Variants in ASCC3 observed in about 807,000 individuals in gnomAD.
ASCC3 encodes activating signal cointegrator 1 complex subunit 3, also known as ASC-1 complex subunit P200.
ASCC3 carries 158 observed loss-of-function variants against 256.3 expected under a neutral mutation model. That is an observed-to-expected ratio of 0.62 (90% CI 0.54 to 0.70). The LOEUF is 0.70. Among genes scored for constraint, ASCC3 ranks in the 30% least tolerant of loss-of-function variants. The pLI, the probability that ASCC3 is intolerant of heterozygous loss-of-function variation, is 0.00. For synonymous variants in ASCC3, 948 were observed against 883.4 expected (o/e 1.07, Z -1.30); for missense variants, 2,259 against 2,626.0 (o/e 0.86, Z 3.05).
At chr6:100,541,600 A>C (rs1037040365) in intron 36 of ASCC3, among the ~76,000 whole-genome samples, 2 of 152,192 alleles carry the variant, frequency 1.3e-5, no homozygotes, top group Non-Finnish European at 2.9e-5. Flanking sequence ...AAAAGGATCA[A>C]ACAGCTTCCA....
At chr6:100,779,113 A>G (rs1782330403) in intron 8 of ASCC3, among the ~76,000 whole-genome samples, 1 of 152,208 alleles carries the variant, frequency 6.6e-6, no homozygotes, top group East Asian at 1.9e-4. Flanking sequence ...TTACCAAGTG[A>G]TTTCTCAAAT....
At chr6:100,547,910 C>T (rs905726109) in intron 36 of ASCC3, among the ~76,000 whole-genome samples, 1 of 151,596 alleles carries the variant, frequency 6.6e-6, no homozygotes, top group Non-Finnish European at 1.5e-5. Context: ...TGTCCATCAA[C>T]AGGTGAGAAG....
At chr6:100,804,105 C>T (rs894024736) in intron 5 of ASCC3, among the ~76,000 whole-genome samples, 24 of 152,230 alleles carry the variant, frequency 1.6e-4, no homozygotes, top group African/African-American at 5.3e-4. Context: ...ATGTGTAATA[C>T]ATGACACTAT....
At chr6:100,583,318 G>A (rs1250531207) in intron 36 of ASCC3, among the ~76,000 whole-genome samples, 3 of 151,956 alleles carry the variant, frequency 2.0e-5, no homozygotes, top group Non-Finnish European at 2.9e-5. Context: ...GTCTTGGGAG[G>A]GTGTATGTGT....
intron 1 of ASCC3, among the ~76,000 whole-genome samples, chr6:100,870,363 CAAA>C (rs11358403): frequency 2.1e-5 from 3 of 141,080 alleles, no homozygotes; most frequent in African/African-American, 2.6e-5. Flanking sequence ...GAGTCCGTCT[CAAA>C]AAAAAAAAAA....
At chr6:100,584,365 C>T (rs1042233845) in intron 36 of ASCC3, among the ~76,000 whole-genome samples, 34 of 151,564 alleles carry the variant, frequency 2.2e-4, no homozygotes, top group Non-Finnish European at 1.5e-5. Context: ...GTCTTTTGAT[C>T]TTTGTTGGTT....
chr6:100,647,292 G>T lies in ASCC3; in HGVS notation c.3412C>A (p.Leu1138Ile). 2 of 1,613,840 alleles carry T rather than the reference G, an allele frequency of 1.2e-6. No homozygotes were observed. Among genetic ancestry groups the T allele is most frequent in the African/African-American group, 1.3e-5 (1 of 74,946 alleles). ...RQFSILPPHI[L>I]TRLEEKKLTV... ...AGCTTTTTTTCTTCTAATCTTGTTA[G>T]GATGTGTGGTGGTAGGATTGAAAAT... Residue 1138 changes from leucine (L) to isoleucine (I), a missense_variant, in exon 21 of 42, where the codon CTA (leucine) becomes ATA (isoleucine). By Grantham distance (5) the Leu-to-Ile change is conservative. Transcript: ENST00000369162.
intron 14 of ASCC3, among the ~76,000 whole-genome samples, chr6:100,665,633 G>C (rs1223716623): frequency 6.6e-6 from 1 of 151,698 alleles, no homozygotes; most frequent in Non-Finnish European, 1.5e-5. Flanking sequence ...CCAGTTACTC[G>C]GGAGGCTGAG....
intron 4 of ASCC3, among the ~76,000 whole-genome samples, chr6:100,808,126 A>G (rs1479792626): frequency 6.6e-6 from 1 of 151,928 alleles, no homozygotes; most frequent in African/African-American, 2.4e-5. Context: ...CCATTTCCCA[A>G]TACTTAAGAC....
chr6:100,840,336 T>C (rs1488351780), intron 4 of ASCC3, among the ~76,000 whole-genome samples: 1 of 152,088 alleles, frequency 6.6e-6, no homozygotes, highest in Non-Finnish European at 1.5e-5. Context: ...AGAGTCTTTT[T>C]GTTTTTGTTT....
At chr6:100,611,700 G>A (rs1773405841) in intron 30 of ASCC3, among the ~76,000 whole-genome samples, 1 of 151,906 alleles carries the variant, frequency 6.6e-6, no homozygotes, top group South Asian at 2.1e-4. Flanking sequence ...CTGGTTCCAT[G>A]AGAGAATTAA....
chr6:100,658,088 CCA>C (rs1320153939), intron 16 of ASCC3, among the ~76,000 whole-genome samples: 1 of 151,366 alleles, frequency 6.6e-6, no homozygotes, highest in African/African-American at 2.4e-5. Flanking sequence ...TCAAGAAGTT[CCA>C]GAGTCACATG....
chr6:100,722,090 G>C (rs1779368458), intron 11 of ASCC3, among the ~76,000 whole-genome samples: 1 of 151,688 alleles, frequency 6.6e-6, no homozygotes, highest in Non-Finnish European at 1.5e-5. Context: ...TGAAGAGGGA[G>C]TCCTTTCCCC....
chr6:100,750,599 G>T (rs1780893409), intron 10 of ASCC3, among the ~76,000 whole-genome samples: 1 of 151,102 alleles, frequency 6.6e-6, no homozygotes, highest in Admixed American at 6.6e-5. Flanking sequence ...AACCATTCCT[G>T]TATAAGATTC....
chr6:100,568,786 ATTATTT>A (rs1196992549), intron 36 of ASCC3, among the ~76,000 whole-genome samples: 3 of 137,178 alleles, frequency 2.2e-5, no homozygotes, highest in East Asian at 2.4e-4. Flanking sequence ...TATTATTATT[ATTATTT>A]TTTGAGACAG....
At chr6:100,667,012 C>A (rs1315852861) in intron 14 of ASCC3, among the ~76,000 whole-genome samples, 1 of 152,164 alleles carries the variant, frequency 6.6e-6, no homozygotes, top group Non-Finnish European at 1.5e-5. Context: ...CAAGTGATTT[C>A]TATTAAATAT....
At chr6:100,746,014 A>C (rs1211562514) in intron 10 of ASCC3, among the ~76,000 whole-genome samples, 2 of 151,892 alleles carry the variant, frequency 1.3e-5, no homozygotes, top group Non-Finnish European at 2.9e-5. Context: ...AAAGCAGCTT[A>C]TTTGTATAGC....
chr6:100,578,545 G>A (rs1417535753), intron 36 of ASCC3, among the ~76,000 whole-genome samples: 1 of 151,812 alleles, frequency 6.6e-6, no homozygotes, highest in Non-Finnish European at 1.5e-5. Context: ...TGTGTTTCAC[G>A]TAGGATTATG....
rs1774851658 is a variant in ASCC3, at chr6:100,531,139, A to C, written c.5775+9024T>G. The C allele has an allele frequency of 2.8e-5, 23 of 824,574 alleles. No individual in the cohort carries two copies. In the South Asian group the frequency reaches 3.6e-4, roughly 13 times the overall value. The allele number at this position is 824,574 out of a possible 1,614,324, so 51.1% of individuals were successfully genotyped here. A position where few individuals can be genotyped will look rare whatever the true frequency, so the allele number is the denominator to read the frequency against. The stretch of plus-strand genomic sequence containing the variant: ...AATTTCTGCTGGCTGGACTGAACTA[A>C]AGATCAATTCTCACAATTCAGACTG... On this transcript the variant is annotated intron_variant, in intron 37 of 41. Transcript: ENST00000369162.
Sources: gnomAD v4.1 joint callset for allele counts (sites outside exome capture counted in the v4.1 genomes callset) on GRCh38, gnomAD v4.1.1 for gene constraint, MANE v1.5 for transcripts, NCBI Gene and HGNC (gene_info 2026-07-23, HGNC 2026-07-21) for gene names.